The following SLC39A11 variants were observed in gnomAD, a reference collection of about 807,000 sequenced individuals.
SLC39A11 encodes the protein solute carrier family 39 member 11.
SLC39A11 carries 33 observed loss-of-function variants against 36.1 expected under a neutral mutation model. That is an observed-to-expected ratio of 0.91 (90% confidence interval 0.69 to 1.22). The LOEUF (loss-of-function observed/expected upper bound fraction) is 1.22. Among genes scored for constraint, SLC39A11 ranks in the 50% most tolerant of loss-of-function variants. The pLI, the probability that SLC39A11 is intolerant of heterozygous loss-of-function variation, is 0.00. For missense variants in SLC39A11, 432 were observed against 430.3 expected, an observed-to-expected ratio of 1.00 and a Z score of -0.03; for synonymous variants, 166 against 170.3, an observed-to-expected ratio of 0.97 and a Z score of 0.20.
At chr17:72,963,078 C>T (rs79022487) in intron 4 of SLC39A11, among the ~76,000 whole-genome samples, 2,056 of 152,170 alleles carry the variant, frequency 0.014, 39 homozygotes, top group African/African-American at 0.047. Flanking sequence ...AGACTGATAA[C>T]CTGATCAGTA....
intron 5 of SLC39A11, among the ~76,000 whole-genome samples, chr17:72,902,413 A>T (rs1428007399): frequency 2.7e-5 from 4 of 148,266 alleles, no homozygotes; most frequent in Non-Finnish European, 5.9e-5. Flanking sequence ...CACTAGGAAG[A>T]GGCAAGTAAG....
chr17:72,807,839 C>A (rs567658466), intron 6 of SLC39A11, among the ~76,000 whole-genome samples: 5 of 152,118 alleles, frequency 3.3e-5, no homozygotes, highest in Non-Finnish European at 7.4e-5. Context: ...CTGAACCCGA[C>A]GAGGGGGTCG....
intron 7 of SLC39A11, among the ~76,000 whole-genome samples, chr17:72,649,725 C>A (rs1187162750): frequency 6.7e-6 from 1 of 148,298 alleles, no homozygotes; most frequent in Admixed American, 6.8e-5. Flanking sequence ...CTCACTGCAA[C>A]CTCCACCTCC....
chr17:73,012,142 G>A (rs1000612344), intron 4 of SLC39A11, among the ~76,000 whole-genome samples: 1 of 151,902 alleles, frequency 6.6e-6, no homozygotes, highest in African/African-American at 2.4e-5. Context: ...CGGGCGTGGT[G>A]GCAGGCGCCT....
At chr17:72,782,524 A>C (rs976642789) in intron 6 of SLC39A11, among the ~76,000 whole-genome samples, 2 of 151,910 alleles carry the variant, frequency 1.3e-5, no homozygotes, top group Non-Finnish European at 2.9e-5. Flanking sequence ...TCCTGTCTCT[A>C]CTGAAAATAC....
chr17:73,002,310 G>T (rs2089868327), intron 4 of SLC39A11, among the ~76,000 whole-genome samples: 1 of 152,096 alleles, frequency 6.6e-6, no homozygotes, highest in Non-Finnish European at 1.5e-5. Flanking sequence ...GGGCTTAAAG[G>T]GGCAGGGGCT....
chr17:72,966,922 C>T (rs2087028278), intron 4 of SLC39A11, among the ~76,000 whole-genome samples: 1 of 152,188 alleles, frequency 6.6e-6, no homozygotes, highest in Non-Finnish European at 1.5e-5. Context: ...GCCTGAGCTC[C>T]ACCTCCTGTC....
At chr17:72,910,111 T>C (rs1317493064) in intron 5 of SLC39A11, among the ~76,000 whole-genome samples, 1 of 152,012 alleles carries the variant, frequency 6.6e-6, no homozygotes, top group African/African-American at 2.4e-5. Flanking sequence ...ATCTCCTCAA[T>C]TCTATCACAA....
At chr17:72,801,345 T>TC (rs1213293930) in intron 6 of SLC39A11, among the ~76,000 whole-genome samples, 1 of 152,190 alleles carries the variant, frequency 6.6e-6, no homozygotes, top group African/African-American at 2.4e-5. Flanking sequence ...CTCAGCCTCC[T>TC]GAGTATCTGG....
At chr17:73,089,337 G>A (rs2144924834) in intron 1 of SLC39A11, among the ~76,000 whole-genome samples, 1 of 152,244 alleles carries the variant, frequency 6.6e-6, no homozygotes, top group East Asian at 1.9e-4. Context: ...TCTCCATCAT[G>A]CCTGCACGAG....
chr17:73,018,894 C>T (rs1363696699), intron 4 of SLC39A11, among the ~76,000 whole-genome samples: 1 of 151,650 alleles, frequency 6.6e-6, no homozygotes, highest in Non-Finnish European at 1.5e-5. Context: ...CACACAAAGG[C>T]ATAACAGAGT....
At chr17:72,945,336 ACAG>A (rs2085369669) in intron 5 of SLC39A11, among the ~76,000 whole-genome samples, 1 of 152,190 alleles carries the variant, frequency 6.6e-6, no homozygotes, top group African/African-American at 2.4e-5. Context: ...GGACATTACA[ACAG>A]CAGCACCAAT....
intron 6 of SLC39A11, among the ~76,000 whole-genome samples, chr17:72,755,140 G>C (rs773660164): frequency 6.6e-6 from 1 of 152,232 alleles, no homozygotes; most frequent in African/African-American, 2.4e-5. Context: ...AGGGAAGAGA[G>C]AGAACTGCTA....
rs1555587584 is a variant in SLC39A11, at chr17:72,837,382, A to AG, written c.601+12251dup. On this transcript the variant is annotated intron_variant, in intron 6 of 9. Transcript: ENST00000255559. Reference sequence around the variant, plus strand: ...GCTCAAAAAAAAAAAAAAAAAAAAAAGCAGGACTCATAGACACCCCAAGCA... The same window carrying AG: ...GCTCAAAAAAAAAAAAAAAAAAAAAAGGCAGGACTCATAGACACCCCAAGCA... Among the ~76,000 whole-genome samples, 605 of 148,304 alleles carry AG rather than the reference A, an allele frequency of 4.1e-3. 4 individuals carry two copies. The highest frequency in any genetic ancestry group is 0.014 in the African/African-American group (578 of 39,920).
intron 5 of SLC39A11, among the ~76,000 whole-genome samples, chr17:72,924,847 C>CA (rs1326518447): frequency 6.6e-6 from 1 of 151,802 alleles, no homozygotes; most frequent in Non-Finnish European, 1.5e-5. Context: ...ACTACAAATA[C>CA]AAAAATTAGC....
Position 72,732,048 on chromosome 17 carries a change from T to C in SLC39A11, c.671+4602A>G, listed in dbSNP as rs1457569309. On this transcript the variant is annotated intron_variant, in intron 7 of 9. Transcript: ENST00000255559. ...TTTTTTTCTTTTCTTTTCTTTTTTT[T>C]TTTTTTTTTTTTTTTTTTGAGACAG... Among the ~76,000 whole-genome samples, 5 of 101,518 alleles carry C rather than the reference T, an allele frequency of 4.9e-5. 1 individual carries two copies. In the South Asian group the frequency reaches 2.0e-3, roughly 41 times the overall value. The allele number at this position is 101,518 out of a possible 152,430, so 66.6% of individuals were successfully genotyped here.
chr17:72,730,499 C>CAA, intron 7 of SLC39A11, among the ~76,000 whole-genome samples: 1 of 152,304 alleles, frequency 6.6e-6, no homozygotes, highest in East Asian at 1.9e-4. Flanking sequence ...ATTTAAAAAG[C>CAA]AAAACCTCTT....
At chr17:72,902,840 T>C (rs2082460890) in intron 5 of SLC39A11, among the ~76,000 whole-genome samples, 1 of 152,174 alleles carries the variant, frequency 6.6e-6, no homozygotes, top group Non-Finnish European at 1.5e-5. Context: ...AAGGCCTTTT[T>C]CCAGCACCAT....
rs1454616259 is a variant in SLC39A11, at chr17:72,947,915, T to A, written c.307-40A>T. On this transcript the variant is annotated intron_variant, in intron 4 of 9. Transcript: ENST00000255559. ...GGTAACATCACTAGAGCACCACTAC[T>A]GTGTTAATTCCCCAGATGCTTCTGG... 1.9e-6 allele frequency: 3 copies of A among 1,608,342 alleles called. No individual in the cohort carries two copies. In the Admixed American group the frequency reaches 5.0e-5, roughly 27 times the overall value.
Sources: gnomAD v4.1 joint callset for allele counts (sites outside exome capture counted in the v4.1 genomes callset) on GRCh38, gnomAD v4.1.1 for gene constraint, MANE v1.5 for transcripts, NCBI Gene and HGNC (gene_info 2026-07-23, HGNC 2026-07-21) for gene names.